The following LRRC4B variants were observed in gnomAD, a reference collection of about 807,000 sequenced individuals.
The protein encoded by LRRC4B is leucine-rich repeat-containing protein 4B.
A neutral mutation model predicts 7.3 loss-of-function variants in LRRC4B; 1 was observed. The observed-to-expected ratio is 0.14, with a 90% CI of 0.05 to 0.65. The LOEUF is 0.65. Among genes scored for constraint, LRRC4B ranks in the 30% least tolerant of loss-of-function variants. LRRC4B has a pLI of 0.84. For missense variants in LRRC4B, 730 were observed against 1,041.6 expected (o/e 0.70, Z 4.12); for synonymous variants, 500 against 499.2 (o/e 1.00, Z -0.02).
rs55688507 is a variant in LRRC4B at position 50,548,823 on chromosome 19, C to T, written c.16G>A (p.Gly6Ser). 86 of 1,481,886 alleles carry T rather than the reference C, an allele frequency of 5.8e-5. No individual in the cohort carries two copies. The African/African-American group carries it at 1.1e-3, about 19-fold the overall frequency. 91.8% of individuals were successfully genotyped at this position (1,481,886 alleles called of 1,614,324 possible). A position where few individuals can be genotyped will look rare whatever the true frequency, so the allele number is the denominator to read the frequency against. Residue 6 changes from glycine (G) to serine (S), a missense_variant, in exon 2 of 3, where the codon GGC (glycine) becomes AGC (serine). Around this residue, in one of 6 missense-constraint regions of LRRC4B, gnomAD observed 143 missense variants for 158.4 expected, o/e 0.90. Transcript: ENST00000652263. This position sits in a 1 kb window ranked among gnomAD's most constrained non-coding sequence, Gnocchi z 6.8. Reference sequence around the variant, plus strand: ...GGCGGCAGCGGGGGGCACGGGGAGCCGCGGGCACGCGCCATCCTCAATGTT... The same window carrying T: ...GGCGGCAGCGGGGGGCACGGGGAGCTGCGGGCACGCGCCATCCTCAATGTT... The part of the protein sequence containing the change: MARAR[G>S]SPCPPLPPGR...
intron 1 of LRRC4B, among the ~76,000 whole-genome samples, chr19:50,562,326 A>T (rs1982495267): frequency 6.6e-6 from 1 of 152,070 alleles, no homozygotes; most frequent in African/African-American, 2.4e-5. Context: ...TCTGGGCCTC[A>T]GTTTCCCCAT....
At chr19:50,557,768 G>C (rs1295023416) in intron 1 of LRRC4B, 1 of 152,178 alleles carries the variant, frequency 6.6e-6, no homozygotes, top group East Asian at 1.9e-4. Flanking sequence ...GACTACACTT[G>C]ACCCTTGAAG....
At chr19:50,560,738 G>T (rs941847818) in intron 1 of LRRC4B, among the ~76,000 whole-genome samples, 3 of 152,186 alleles carry the variant, frequency 2.0e-5, no homozygotes, top group African/African-American at 7.2e-5. Context: ...GCTTGTTGGG[G>T]TTCCTGGAGA....
At chr19:50,530,932 G>GC (rs1491389770) in intron 2 of LRRC4B, among the ~76,000 whole-genome samples, 1 of 149,054 alleles carries the variant, frequency 6.7e-6, no homozygotes, top group Non-Finnish European at 1.5e-5. Flanking sequence ...GAAACCTGGG[G>GC]GGGGGGGGTC....
intron 2 of LRRC4B, among the ~76,000 whole-genome samples, chr19:50,529,523 G>A (rs1334794940): frequency 6.6e-6 from 1 of 152,200 alleles, no homozygotes; most frequent in East Asian, 1.9e-4. Flanking sequence ...TGGACCAAGA[G>A]GCCGGACACG....
At chr19:50,543,335 G>GGTGGGTGTGTGTGT (rs1555807805) in intron 2 of LRRC4B, among the ~76,000 whole-genome samples, 1 of 145,194 alleles carries the variant, frequency 6.9e-6, no homozygotes. Context: ...GCCAGGCCCT[G>GGTGGGTGTGTGTGT]GTGTGTGTGT....
intron 2 of LRRC4B, among the ~76,000 whole-genome samples, chr19:50,526,561 G>A (rs1191604300): frequency 1.3e-5 from 2 of 152,126 alleles, no homozygotes; most frequent in African/African-American, 2.4e-5. Context: ...GATAGACGAA[G>A]GATAGGCGCA....
In LRRC4B at chr19:50,563,359, G is replaced by A. The variant is rs1241527422; in HGVS notation, c.-36+4585C>T. Reference sequence around the variant, plus strand: ...GAAGGGAAGGGAGGTTCTCCCCAGTGGGGACAAAGGGTCTCCAAACTCAGA... The same window carrying A: ...GAAGGGAAGGGAGGTTCTCCCCAGTAGGGACAAAGGGTCTCCAAACTCAGA... On this transcript the variant is annotated intron_variant, in intron 1 of 2. Transcript: ENST00000652263. The surrounding 1 kb of genome is among the most constrained non-coding windows in gnomAD (Gnocchi z 4.9). Among the ~76,000 whole-genome samples, 1 of 152,156 alleles carries A rather than the reference G, an allele frequency of 6.6e-6. No individual in the cohort carries two copies. Among genetic ancestry groups the A allele is most frequent in the East Asian group, 1.9e-4 (1 of 5,178 alleles).
At chr19:50,531,519 T>C (rs555518168) in intron 2 of LRRC4B, among the ~76,000 whole-genome samples, 53 of 152,328 alleles carry the variant, frequency 3.5e-4, no homozygotes, top group South Asian at 1.9e-3. Context: ...ATCACTTTAA[T>C]AATGCAGTTG....
At chr19:50,565,578 CTT>C (rs745465822) in intron 1 of LRRC4B, among the ~76,000 whole-genome samples, 21 of 150,452 alleles carry the variant, frequency 1.4e-4, no homozygotes, top group Non-Finnish European at 1.8e-4. Context: ...CCAGGGGAAT[CTT>C]TGCCTCCACG....
In LRRC4B at chr19:50,518,357, G is replaced by A. The variant is rs1240294629; in HGVS notation, c.1356C>T (p.Asn452=). Residue 452 remains asparagine (N), a synonymous_variant, in exon 3 of 3, where the codon AAC becomes AAT. Transcript: ENST00000652263. ...AGNTTASATL[N]VSAVDPVAAG... is the part of the protein sequence containing the mutation. ...CCGCCACGGGGTCCACGGCCGAGAC[G>A]TTGAGCGTGGCCGAGGCGGTGGTGT... 1.9e-6 allele frequency: 3 copies of A among 1,604,194 alleles called. No homozygotes were observed. The highest frequency in any genetic ancestry group is 4.5e-5 in the East Asian group (2 of 44,740).
In LRRC4B at chr19:50,517,807, C is replaced by A; in HGVS notation, c.1906G>T (p.Ala636Ser). ...AASAVSVAAAAAVASGGGVGG... is the reference protein window; with the variant it reads ...AASAVSVAAASAVASGGGVGG... Reference sequence around the variant, plus strand: ...ACACCACCCCCACTGGCCACGGCGGCCGCGGCGGCCACGGACACGGCCGAG... The same window carrying A: ...ACACCACCCCCACTGGCCACGGCGGACGCGGCGGCCACGGACACGGCCGAG... The change falls in exon 3 of 3, where the codon GCC (alanine) becomes TCC (serine). Residue 636 changes from alanine (A) to serine (S), a missense_variant. Ala to Ser is a moderately conservative substitution (Grantham distance 99, BLOSUM62 1). This residue lies in a region of LRRC4B where 160 missense variants were observed against 163.9 expected (regional missense o/e 0.98). Transcript: ENST00000652263. The surrounding 1 kb of genome is among the most constrained non-coding windows in gnomAD (Gnocchi z 6.6). 1 of 1,549,012 alleles carries A rather than the reference C, an allele frequency of 6.5e-7. No individual in the cohort carries two copies. The highest frequency in any genetic ancestry group is 8.7e-7 in the Non-Finnish European group (1 of 1,153,808).
chr19:50,538,601 C>T lies in LRRC4B; in HGVS notation c.297+9941G>A, dbSNP rs151253139. Among the ~76,000 whole-genome samples, 1,135 of 119,462 alleles carry T rather than the reference C, an allele frequency of 9.5e-3. 25 individuals carry two copies. Among genetic ancestry groups the T allele is most frequent in the African/African-American group, 0.032 (1,068 of 33,538 alleles). The allele number at this position is 119,462 out of a possible 152,430, so 78.4% of individuals were successfully genotyped here. A position where few individuals can be genotyped will look rare whatever the true frequency, so the allele number is the denominator to read the frequency against. On this transcript the variant is annotated intron_variant, in intron 2 of 2. Coordinates refer to ENST00000652263, the MANE Select transcript of LRRC4B (RefSeq NM_001080457.2). ...TTTTTTTTTTTGAGACAGAGTCTTG[C>T]TCTGCCACCTAGGCTGGAGTCCAGT...
chr19:50,529,052 C>G (rs1043447210), intron 2 of LRRC4B, among the ~76,000 whole-genome samples: 8 of 152,140 alleles, frequency 5.3e-5, no homozygotes, highest in Non-Finnish European at 7.4e-5. Flanking sequence ...AAAACTCCCC[C>G]CTCTGCCAGG....
In LRRC4B at chr19:50,553,128, G is replaced by A. The variant is rs1179748960; in HGVS notation, c.-35-4255C>T. ...GCGGAATCAGACCCCAGAATCAGAG[G>A]ATCTTTCTCCCCACGCCCAGGCTAC... On this transcript the variant is annotated intron_variant, in intron 1 of 2. Coordinates refer to ENST00000652263, the MANE Select transcript of LRRC4B (RefSeq NM_001080457.2). This position sits in a 1 kb window ranked among gnomAD's most constrained non-coding sequence, Gnocchi z 4.2. Among the ~76,000 whole-genome samples the A allele has an allele frequency of 2.0e-5, 3 of 152,222 alleles. No homozygotes were observed. The highest frequency in any genetic ancestry group is 7.2e-5 in the African/African-American group (3 of 41,526).
At chr19:50,566,535 A>G (rs1314878862) in intron 1 of LRRC4B, among the ~76,000 whole-genome samples, 1 of 130,524 alleles carries the variant, frequency 7.7e-6, no homozygotes, top group East Asian at 2.5e-4. Context: ...AGAGGTGAGG[A>G]GGTCTGGGGA....
At position 50,519,948 on chromosome 19, in the gene LRRC4B, A is replaced by G. The variant is rs1382621554; in HGVS notation, c.298-533T>C. Among the ~76,000 whole-genome samples the G allele has an allele frequency of 6.6e-6, 1 of 151,916 alleles. No homozygotes were observed. Among genetic ancestry groups the G allele is most frequent in the Non-Finnish European group, 1.5e-5 (1 of 67,988 alleles). On this transcript the variant is annotated intron_variant, in intron 2 of 2. Coordinates refer to ENST00000652263, the MANE Select transcript of LRRC4B (RefSeq NM_001080457.2). This position sits in a 1 kb window ranked among gnomAD's most constrained non-coding sequence, Gnocchi z 8.1. ...GGTGGCTCATGCCTGTAATCCCAGC[A>G]CTTTGGGAGGCTGAGGTGGGCAGAT...
In LRRC4B at chr19:50,548,963, C is replaced by T. The variant is rs944589796; in HGVS notation, c.-35-90G>A. ...CTTGCCAACACCCAGGCAGCCCCAT[C>T]GCCGCCTCCCTGCCCCATGCCCAGA... is the stretch of plus-strand genomic sequence containing the variant. On this transcript the variant is annotated intron_variant, in intron 1 of 2. Coordinates refer to ENST00000652263, the MANE Select transcript of LRRC4B (RefSeq NM_001080457.2). The surrounding 1 kb of genome is among the most constrained non-coding windows in gnomAD (Gnocchi z 6.8). 2.7e-4 allele frequency: 184 copies of T among 674,036 alleles called. No homozygotes were observed. In the East Asian group the frequency reaches 4.5e-3, roughly 17 times the overall value. 41.8% of individuals were successfully genotyped at this position (674,036 alleles called of 1,614,324 possible).
chr19:50,530,230 C>T (rs189149090), intron 2 of LRRC4B, among the ~76,000 whole-genome samples: 4 of 152,314 alleles, frequency 2.6e-5, no homozygotes, highest in Admixed American at 2.6e-4. Context: ...AGAGCTGACC[C>T]TGCCTCTGCC....
Sources: gnomAD v4.1 joint callset for allele counts (sites outside exome capture counted in the v4.1 genomes callset) on GRCh38, gnomAD v4.1.1 for gene constraint, gnomAD v4.1.1 regional missense constraint, Gnocchi (gnomAD v3.1) non-coding constraint, MANE v1.5 for transcripts, NCBI Gene and HGNC (gene_info 2026-07-23, HGNC 2026-07-21) for gene names.